The following OSBP2 variants were observed in gnomAD, a reference collection of about 807,000 sequenced individuals.
OSBP2 encodes oxysterol binding protein 2.
In OSBP2, 66 loss-of-function variants were observed where a neutral mutation model predicts 96.0. That is an observed-to-expected ratio of 0.69 (90% CI 0.56 to 0.84). The LOEUF is 0.84. OSBP2 is among the 40% of genes least tolerant of loss of function. The pLI, the probability that OSBP2 is intolerant of heterozygous loss-of-function variation, is 0.00. For missense variants in OSBP2, 1,038 were observed against 1,222.7 expected, an observed-to-expected ratio of 0.85 and a Z score of 2.25; for synonymous variants, 525 against 520.9, an observed-to-expected ratio of 1.01 and a Z score of -0.11.
At chr22:30,876,160 T>C (rs966963817) in intron 3 of OSBP2, among the ~76,000 whole-genome samples, 1 of 152,234 alleles carries the variant, frequency 6.6e-6, no homozygotes, top group East Asian at 1.9e-4. Context: ...AAGTAGGCTT[T>C]CTCCCAGGCA....
intron 2 of OSBP2, among the ~76,000 whole-genome samples, chr22:30,757,782 C>G (rs1468475459): frequency 6.6e-6 from 1 of 152,150 alleles, no homozygotes. Context: ...CTGCATATGA[C>G]CCACCACTCA....
intron 12 of OSBP2, among the ~76,000 whole-genome samples, chr22:30,895,771 T>C (rs1178364740): frequency 6.6e-6 from 1 of 151,868 alleles, no homozygotes; most frequent in Non-Finnish European, 1.5e-5. Flanking sequence ...AAACCCCGTC[T>C]CTACTAAAAT....
chr22:30,797,140 C>G (rs901425709), intron 2 of OSBP2, among the ~76,000 whole-genome samples: 2 of 152,198 alleles, frequency 1.3e-5, no homozygotes, highest in African/African-American at 4.8e-5. Flanking sequence ...AGCATAATGT[C>G]TTCCAGGTTT....
chr22:30,868,436 G>C (rs891769953), intron 2 of OSBP2, among the ~76,000 whole-genome samples: 1 of 152,248 alleles, frequency 6.6e-6, no homozygotes, highest in Non-Finnish European at 1.5e-5. Flanking sequence ...TCTGGGGGCC[G>C]CAGTTGGGCT....
rs542510682 is a variant in OSBP2, at chr22:30,832,457, A to AT, written c.854-37961dup. 3.8e-3 allele frequency among the ~76,000 whole-genome samples: 556 copies of AT among 147,342 alleles called. 4 individuals are homozygous for AT. Among genetic ancestry groups the AT allele is most frequent in the Non-Finnish European group, 4.9e-3 (328 of 66,390 alleles). ...AGGCATGTGCCACCACACCTGGCTA[A>AT]TTTTTTTTTTTCCTGTAAAGATGGG... On this transcript the variant is annotated intron_variant, in intron 2 of 13. Transcript: ENST00000332585.
intron 2 of OSBP2, among the ~76,000 whole-genome samples, chr22:30,790,937 C>A (rs1049404446): frequency 2.1e-4 from 32 of 152,078 alleles, no homozygotes; most frequent in African/African-American, 7.7e-4. Flanking sequence ...CCAATGTGAT[C>A]CCTGTTTCAA....
chr22:30,882,951 T>A (rs1406480588), intron 3 of OSBP2, among the ~76,000 whole-genome samples: 1 of 152,268 alleles, frequency 6.6e-6, no homozygotes, highest in East Asian at 1.9e-4. Flanking sequence ...TTTGTGGGAA[T>A]TCTTACCATG....
intron 2 of OSBP2, among the ~76,000 whole-genome samples, chr22:30,855,194 C>A (rs1346795133): frequency 6.6e-6 from 1 of 152,156 alleles, no homozygotes; most frequent in African/African-American, 2.4e-5. Context: ...CTGAAAATAT[C>A]TTTTTCCCCT....
chr22:30,740,896 C>A (rs1206157982), intron 1 of OSBP2, among the ~76,000 whole-genome samples: 1 of 152,142 alleles, frequency 6.6e-6, no homozygotes, highest in East Asian at 1.9e-4. Context: ...AGCTTTAGAC[C>A]ACACCAGACA....
intron 2 of OSBP2, among the ~76,000 whole-genome samples, chr22:30,765,124 G>A (rs1057262919): frequency 9.2e-5 from 14 of 152,214 alleles, no homozygotes; most frequent in African/African-American, 3.4e-4. Context: ...AAACTGCTGG[G>A]CTCAGGCAAT....
intron 1 of OSBP2, among the ~76,000 whole-genome samples, chr22:30,736,970 C>T (rs971911272): frequency 1.4e-4 from 21 of 152,334 alleles, no homozygotes; most frequent in African/African-American, 4.1e-4. Flanking sequence ...TGCCATCTCC[C>T]ACCCTGTGCA....
In OSBP2 at chr22:30,746,773, C is replaced by G. The variant is rs12158477; in HGVS notation, c.853+5404C>G. Among the ~76,000 whole-genome samples, 28 of 151,738 alleles carry G rather than the reference C, an allele frequency of 1.8e-4. 4 individuals carry two copies. Among genetic ancestry groups the G allele is most frequent in the Admixed American group, 1.5e-3 (23 of 15,242 alleles). On this transcript the variant is annotated intron_variant, in intron 2 of 13. Transcript: ENST00000332585. ...TCCCAAAGTGCTGGGATTACAGGCACGAGCCACTGTGCCCAGCCTGAGGAT... is the reference window on the plus strand; with the variant it reads ...TCCCAAAGTGCTGGGATTACAGGCAGGAGCCACTGTGCCCAGCCTGAGGAT...
chr22:30,805,905 G>A (rs1212753466), intron 2 of OSBP2, among the ~76,000 whole-genome samples: 1 of 152,196 alleles, frequency 6.6e-6, no homozygotes, highest in African/African-American at 2.4e-5. Context: ...TTCCAAGAAA[G>A]GTTTTGTGGC....
At chr22:30,697,074 C>T (rs2089055171) in intron 1 of OSBP2, among the ~76,000 whole-genome samples, 1 of 152,172 alleles carries the variant, frequency 6.6e-6, no homozygotes, top group Admixed American at 6.5e-5. Context: ...ACATCTGGAC[C>T]TGTCCCAAAT....
chr22:30,865,899 A>T (rs974037870), intron 2 of OSBP2, among the ~76,000 whole-genome samples: 2 of 152,174 alleles, frequency 1.3e-5, no homozygotes, highest in African/African-American at 4.8e-5. Context: ...TGCCACCTCC[A>T]TGCAGACAGC....
At chr22:30,879,593 C>T (rs1457689255) in intron 3 of OSBP2, among the ~76,000 whole-genome samples, 1 of 152,188 alleles carries the variant, frequency 6.6e-6, no homozygotes, top group Non-Finnish European at 1.5e-5. Context: ...GGAGACACAG[C>T]ATGACAGCTT....
In OSBP2 at chr22:30,906,366, G is replaced by A. The variant is rs981783500; in HGVS notation, c.*27G>A. On this transcript the variant is annotated 3_prime_UTR_variant, in exon 14 of 14. Coordinates refer to ENST00000332585, the MANE Select transcript of OSBP2 (RefSeq NM_030758.4). ...CGCCACCCTTGCAACAAATACAGGC[G>A]CCTGCACAGCCTGGCCCACCTGTTC... is the stretch of plus-strand genomic sequence containing the variant. 7 of 1,564,202 alleles carry A rather than the reference G, an allele frequency of 4.5e-6. No individual in the cohort carries two copies. The highest frequency in any genetic ancestry group is 1.4e-5 in the African/African-American group (1 of 73,216).
At chr22:30,893,375 C>A in intron 9 of OSBP2, 88 bp from the exon 10 acceptor site, 1 of 1,539,736 alleles carries the variant, frequency 6.5e-7, no homozygotes, top group Non-Finnish European at 9.0e-7. Context: ...AACCCCCCAG[C>A]CTAGTTCTCA....
intron 2 of OSBP2, among the ~76,000 whole-genome samples, chr22:30,781,906 G>A (rs1401975886): frequency 6.6e-6 from 1 of 152,190 alleles, no homozygotes; most frequent in Non-Finnish European, 1.5e-5. Flanking sequence ...CAGCACTTTG[G>A]GAGGCCGAGG....
Sources: allele counts gnomAD v4.1 joint callset (sites outside exome capture counted in the v4.1 genomes callset), GRCh38; gene constraint gnomAD v4.1.1; transcripts MANE v1.5; gene names NCBI Gene and HGNC (gene_info 2026-07-23, HGNC 2026-07-21).